The following AFG2A variants were observed in gnomAD, a reference collection of about 807,000 sequenced individuals.
The protein encoded by AFG2A is AAA ATPase AFG2A, also known as ATPase family gene 2 protein homolog A.
At chr4:123,148,241 A>G in the AFG2A span, among the ~76,000 whole-genome samples, 1 of 152,220 alleles carries the variant, frequency 6.6e-6, no homozygotes, top group African/African-American at 2.4e-5. Context: ...TTTCTTTTTT[A>G]AGTATACATA....
the AFG2A span, among the ~76,000 whole-genome samples, chr4:123,112,045 T>G: frequency 1.3e-5 from 2 of 152,172 alleles, no homozygotes; most frequent in Non-Finnish European, 2.9e-5. Flanking sequence ...TTAGAAGAAC[T>G]TTATGAACAC....
At chr4:123,155,287 T>C in the AFG2A span, among the ~76,000 whole-genome samples, 15 of 152,240 alleles carry the variant, frequency 9.9e-5, 1 homozygote, top group South Asian at 2.5e-3. Context: ...TTTTGCCATG[T>C]TGTCCAGGCT....
At chr4:123,106,567 A>G in the AFG2A span, among the ~76,000 whole-genome samples, 1 of 152,216 alleles carries the variant, frequency 6.6e-6, no homozygotes, top group Admixed American at 6.5e-5. Flanking sequence ...CTTCAGCAAC[A>G]GTTTCTTTTC....
chr4:123,205,561 A>G, the AFG2A span, among the ~76,000 whole-genome samples: 1 of 152,194 alleles, frequency 6.6e-6, no homozygotes, highest in Non-Finnish European at 1.5e-5. Flanking sequence ...GTTAGCTATT[A>G]CAAGCAATCT....
the AFG2A span, among the ~76,000 whole-genome samples, chr4:123,017,414 A>ATTTTT: frequency 3.3e-4 from 25 of 74,712 alleles, no homozygotes; most frequent in South Asian, 5.8e-4. Flanking sequence ...AGCATGGGAA[A>ATTTTT]TTTTTTTTTT....
At chr4:123,032,852 G>A in the AFG2A span, among the ~76,000 whole-genome samples, 1 of 152,218 alleles carries the variant, frequency 6.6e-6, no homozygotes, top group Non-Finnish European at 1.5e-5. Flanking sequence ...AATGTACTGT[G>A]TTGCCACGTC....
chr4:123,076,602 T>C, the AFG2A span, among the ~76,000 whole-genome samples: 6 of 149,166 alleles, frequency 4.0e-5, no homozygotes, highest in Non-Finnish European at 8.9e-5. Context: ...TTAGCCTTTT[T>C]TTGGGGGGTG....
At chr4:123,300,519 C>T in the AFG2A span, among the ~76,000 whole-genome samples, 1 of 152,060 alleles carries the variant, frequency 6.6e-6, no homozygotes, top group Admixed American at 6.5e-5. Flanking sequence ...GACAACAGCC[C>T]ATATAATTTT....
chr4:123,182,978 C>T, the AFG2A span, among the ~76,000 whole-genome samples: 2 of 152,322 alleles, frequency 1.3e-5, no homozygotes, highest in East Asian at 3.9e-4. Flanking sequence ...TAGTACAGTA[C>T]TTTCCAAATC....
chr4:123,230,708 A>T, the AFG2A span, among the ~76,000 whole-genome samples: 1 of 151,968 alleles, frequency 6.6e-6, no homozygotes, highest in Non-Finnish European at 1.5e-5. Flanking sequence ...TAGAGGAATC[A>T]CTATCTATGA....
At chr4:123,007,939 T>G in the AFG2A span, among the ~76,000 whole-genome samples, 1 of 152,090 alleles carries the variant, frequency 6.6e-6, no homozygotes. Context: ...ATGTTCAGTG[T>G]CCTGAAAGTT....
the AFG2A span, among the ~76,000 whole-genome samples, chr4:123,139,534 G>A: frequency 6.6e-6 from 1 of 152,020 alleles, no homozygotes; most frequent in Non-Finnish European, 1.5e-5. Flanking sequence ...ACAGGTAACA[G>A]TGTAAATTCT....
the AFG2A span, among the ~76,000 whole-genome samples, chr4:123,007,587 TGTGTGTG>T: frequency 2.8e-4 from 1 of 3,628 alleles, no homozygotes; most frequent in African/African-American, 9.0e-4. Flanking sequence ...TGTGTGTGTG[TGTGTGTG>T]TGTGTGTGTG....
chr4:123,204,376 C>T, the AFG2A span, among the ~76,000 whole-genome samples: 2 of 152,192 alleles, frequency 1.3e-5, no homozygotes, highest in East Asian at 1.9e-4. Context: ...AGTTTCTCTA[C>T]ATCCCTGCCA....
the AFG2A span, among the ~76,000 whole-genome samples, chr4:123,212,996 T>G: frequency 6.6e-6 from 1 of 152,134 alleles, no homozygotes; most frequent in Non-Finnish European, 1.5e-5. Flanking sequence ...AAATATCACA[T>G]TATAAAGTTG....
the AFG2A span, among the ~76,000 whole-genome samples, chr4:123,173,997 T>C: frequency 3.3e-3 from 501 of 151,850 alleles, 3 homozygotes; most frequent in Non-Finnish European, 5.2e-3. Context: ...GAAATAAAGG[T>C]GGACAGAGAA....
At chr4:123,084,667 T>C in the AFG2A span, among the ~76,000 whole-genome samples, 1 of 151,920 alleles carries the variant, frequency 6.6e-6, no homozygotes, top group Non-Finnish European at 1.5e-5. Context: ...CTTGCTCTGC[T>C]GTCCACACCT....
the AFG2A span, among the ~76,000 whole-genome samples, chr4:123,284,994 T>G: frequency 2.0e-5 from 3 of 152,198 alleles, no homozygotes; most frequent in Non-Finnish European, 4.4e-5. Flanking sequence ...CCTTAGATCA[T>G]TGTTACTCTT....
At chr4:123,237,943 A>G in the AFG2A span, among the ~76,000 whole-genome samples, 98,679 of 151,990 alleles carry the variant, frequency 0.65, 32,606 homozygotes, top group Admixed American at 0.7. Flanking sequence ...CATGACAGAC[A>G]GTACCTGGAA....
Sources: gnomAD v4.1 joint callset for allele counts (sites outside exome capture counted in the v4.1 genomes callset) on GRCh38, gnomAD v4.1.1 for gene constraint, MANE v1.5 for transcripts, NCBI Gene and HGNC (gene_info 2026-07-23, HGNC 2026-07-21) for gene names.